ERC2: variants seen among roughly 807,000 people sequenced by gnomAD.
The protein encoded by ERC2 is ERC protein 2.
A neutral mutation model predicts 114.8 loss-of-function variants in ERC2; 42 were observed. The observed-to-expected ratio is 0.37, with a 90% CI of 0.29 to 0.47. The LOEUF (loss-of-function observed/expected upper bound fraction) is 0.47, where lower values mean the gene tolerates loss of function less well. ERC2 is among the 20% of genes least tolerant of loss of function. ERC2 has a pLI of 0.99. For missense variants in ERC2, 939 were observed against 1,150.7 expected, an observed-to-expected ratio of 0.82 and a Z score of 2.66; for synonymous variants, 454 against 425.5, an observed-to-expected ratio of 1.07 and a Z score of -0.82.
chr3:56,259,011 T>C (rs963392124), intron 3 of ERC2, among the ~76,000 whole-genome samples: 14 of 151,552 alleles, frequency 9.2e-5, no homozygotes, highest in Non-Finnish European at 1.9e-4. Flanking sequence ...TTTGCTCTTG[T>C]TGCCCAGGCT....
chr3:56,323,447 AC>A (rs2057217185), intron 2 of ERC2, among the ~76,000 whole-genome samples: 1 of 152,304 alleles, frequency 6.6e-6, no homozygotes, highest in African/African-American at 2.4e-5. Context: ...CAGACATGTG[AC>A]AGAGGCCGTC....
chr3:56,140,879 C>G (rs1229053637), intron 5 of ERC2, among the ~76,000 whole-genome samples: 1 of 152,060 alleles, frequency 6.6e-6, no homozygotes, highest in African/African-American at 2.4e-5. Flanking sequence ...CAAAAATTAG[C>G]CAGCTGTGGT....
chr3:56,426,773 A>G (rs2061586017), intron 2 of ERC2, among the ~76,000 whole-genome samples: 1 of 152,226 alleles, frequency 6.6e-6, no homozygotes, highest in Admixed American at 6.5e-5. Flanking sequence ...TATGTGAGGG[A>G]GAGAGATAAA....
At chr3:55,587,049 T>C (rs918641219) in intron 17 of ERC2, among the ~76,000 whole-genome samples, 3 of 152,254 alleles carry the variant, frequency 2.0e-5, no homozygotes, top group African/African-American at 7.2e-5. Context: ...CATTCACTAA[T>C]AAATGTAGTA....
intron 13 of ERC2, among the ~76,000 whole-genome samples, chr3:55,927,589 G>A (rs143286963): frequency 2.6e-5 from 4 of 152,098 alleles, no homozygotes; most frequent in African/African-American, 7.2e-5. Flanking sequence ...TCCTTTCTTT[G>A]TATTACAAAT....
intron 17 of ERC2, among the ~76,000 whole-genome samples, chr3:55,601,499 A>T (rs2058402437): frequency 1.3e-5 from 2 of 152,210 alleles, no homozygotes. Context: ...CTGTCATTTC[A>T]CATTCACACT....
At chr3:55,948,599 G>C (rs925928223) in intron 13 of ERC2, among the ~76,000 whole-genome samples, 2 of 152,044 alleles carry the variant, frequency 1.3e-5, no homozygotes, top group African/African-American at 4.8e-5. Context: ...CTTTATTTGG[G>C]GTGGTCAGGA....
At chr3:56,339,121 C>T (rs748703068) in intron 2 of ERC2, among the ~76,000 whole-genome samples, 1 of 152,150 alleles carries the variant, frequency 6.6e-6, no homozygotes, top group Non-Finnish European at 1.5e-5. Context: ...ATATCTCGTG[C>T]TCAATTCTAA....
chr3:55,874,049 C>T (rs546954973), intron 14 of ERC2, among the ~76,000 whole-genome samples: 7 of 152,304 alleles, frequency 4.6e-5, no homozygotes, highest in African/African-American at 1.4e-4. Flanking sequence ...TGAGAAGGAG[C>T]GCTTAGCTTG....
intron 14 of ERC2, among the ~76,000 whole-genome samples, chr3:55,750,828 C>T (rs1425383137): frequency 6.6e-6 from 1 of 152,210 alleles, no homozygotes; most frequent in Non-Finnish European, 1.5e-5. Context: ...CGCATGCCCG[C>T]ATGCACACAT....
intron 7 of ERC2, among the ~76,000 whole-genome samples, chr3:56,071,025 G>A (rs984865932): frequency 6.6e-6 from 1 of 152,096 alleles, no homozygotes; most frequent in Admixed American, 6.6e-5. Flanking sequence ...AGTATACCTG[G>A]CTGATAGAGC....
At chr3:55,807,498 G>T (rs2059536424) in intron 14 of ERC2, among the ~76,000 whole-genome samples, 1 of 152,150 alleles carries the variant, frequency 6.6e-6, no homozygotes, top group Admixed American at 6.6e-5. Flanking sequence ...TCAGCTTTGT[G>T]GGTCATATGA....
At chr3:56,076,580 C>G (rs976734302) in intron 7 of ERC2, among the ~76,000 whole-genome samples, 1 of 152,136 alleles carries the variant, frequency 6.6e-6, no homozygotes, top group Non-Finnish European at 1.5e-5. Flanking sequence ...GAACATTTCA[C>G]TAAACACTTT....
rs2063432689 is a variant in ERC2, at chr3:56,464,062, A to G, written c.-141+4186T>C. Among the ~76,000 whole-genome samples, 3 of 152,250 alleles carry G rather than the reference A, an allele frequency of 2.0e-5. No individual in the cohort carries two copies. The South Asian group carries it at 6.2e-4, about 32-fold the overall frequency. On this transcript the variant is annotated intron_variant, in intron 1 of 17. Transcript: ENST00000288221. ...AATGCAGAAGTTAAGGACCAGGTTTATATGTCACGCAGCTAGCAATGGGAG... is the reference window on the plus strand; with the variant it reads ...AATGCAGAAGTTAAGGACCAGGTTTGTATGTCACGCAGCTAGCAATGGGAG...
At chr3:56,009,204 C>T (rs985274089) in intron 9 of ERC2, among the ~76,000 whole-genome samples, 1 of 152,172 alleles carries the variant, frequency 6.6e-6, no homozygotes, top group Non-Finnish European at 1.5e-5. Flanking sequence ...ATAACACTTG[C>T]AACCGGTGAA....
intron 2 of ERC2, among the ~76,000 whole-genome samples, chr3:56,413,361 G>A (rs912910578): frequency 2.6e-5 from 4 of 152,208 alleles, no homozygotes; most frequent in Admixed American, 2.6e-4. Context: ...GCACACTACA[G>A]CCTCCTCTCT....
At chr3:55,995,052 C>T (rs1448159823) in intron 10 of ERC2, among the ~76,000 whole-genome samples, 9 of 152,078 alleles carry the variant, frequency 5.9e-5, no homozygotes, top group Admixed American at 4.6e-4. Flanking sequence ...TAGACAACCT[C>T]GGCCGGGTGC....
intron 4 of ERC2, among the ~76,000 whole-genome samples, chr3:56,164,218 C>A (rs527695767): frequency 4.5e-4 from 69 of 152,066 alleles, no homozygotes; most frequent in African/African-American, 1.6e-3. Context: ...ACATTTTCAT[C>A]ACCCAAAATC....
At chr3:55,829,139 T>A (rs1488579543) in intron 14 of ERC2, among the ~76,000 whole-genome samples, 1 of 151,988 alleles carries the variant, frequency 6.6e-6, no homozygotes, top group African/African-American at 2.4e-5. Context: ...TCAAAAAAAA[T>A]TTAGAATCCT....
Sources: gnomAD v4.1 joint callset for allele counts (sites outside exome capture counted in the v4.1 genomes callset) on GRCh38, gnomAD v4.1.1 for gene constraint, MANE v1.5 for transcripts, NCBI Gene and HGNC (gene_info 2026-07-23, HGNC 2026-07-21) for gene names.